RSU1: variants seen among roughly 807,000 people sequenced by gnomAD.
RSU1 encodes Ras suppressor protein 1.
A neutral mutation model predicts 31.1 loss-of-function variants in RSU1; 26 were observed. That is an observed-to-expected ratio of 0.84 (90% CI 0.61 to 1.16). The LOEUF is 1.16. RSU1 is among the 50% of genes most tolerant of loss of function. The pLI is 0.00. For missense variants in RSU1, 320 were observed against 339.1 expected (o/e 0.94, Z 0.44); for synonymous variants, 164 against 136.3 (o/e 1.20, Z -1.41).
chr10:16,763,089 A>G (rs1837241761), intron 4 of RSU1, among the ~76,000 whole-genome samples: 1 of 152,168 alleles, frequency 6.6e-6, no homozygotes, highest in Non-Finnish European at 1.5e-5. Flanking sequence ...TAGAGCATTT[A>G]GTGGCTACAA....
intron 8 of RSU1, among the ~76,000 whole-genome samples, chr10:16,628,679 T>C (rs1834198252): frequency 6.6e-6 from 1 of 152,210 alleles, no homozygotes; most frequent in Non-Finnish European, 1.5e-5. Flanking sequence ...TACTTTGTAG[T>C]TGTTTTATAA....
intron 7 of RSU1, chr10:16,748,079 C>T (rs996434696): frequency 3.3e-5 from 5 of 152,274 alleles, no homozygotes; most frequent in African/African-American, 1.2e-4. Flanking sequence ...CAAAACCCTT[C>T]AATGTCTTCC....
At chr10:16,697,379 A>C (rs1487036958) in intron 7 of RSU1, among the ~76,000 whole-genome samples, 2 of 152,236 alleles carry the variant, frequency 1.3e-5, no homozygotes, top group Admixed American at 1.3e-4. Context: ...ATTCTTGGCC[A>C]GGAGTGGTGG....
chr10:16,763,768 G>A (rs1837255786), intron 4 of RSU1, among the ~76,000 whole-genome samples: 1 of 152,146 alleles, frequency 6.6e-6, no homozygotes, highest in Non-Finnish European at 1.5e-5. Context: ...ACTAAAACCT[G>A]CCCTCCGTAC....
At chr10:16,808,978 T>G (rs769015632) in intron 2 of RSU1, among the ~76,000 whole-genome samples, 10 of 152,164 alleles carry the variant, frequency 6.6e-5, no homozygotes, top group Non-Finnish European at 1.5e-4. Flanking sequence ...CAGCCAGCCC[T>G]GCTGACACTA....
At chr10:16,680,540 A>G (rs1207805224) in intron 8 of RSU1, among the ~76,000 whole-genome samples, 2 of 152,290 alleles carry the variant, frequency 1.3e-5, no homozygotes, top group South Asian at 2.1e-4. Context: ...GGGAGGCCTC[A>G]GGAAGTTTAC....
At chr10:16,757,722 G>A (rs1241167265) in intron 4 of RSU1, among the ~76,000 whole-genome samples, 1 of 152,200 alleles carries the variant, frequency 6.6e-6, no homozygotes, top group African/African-American at 2.4e-5. Context: ...CCGCACGGAG[G>A]CCAAAGCTGC....
At chr10:16,731,933 A>G (rs896825614) in intron 7 of RSU1, among the ~76,000 whole-genome samples, 8 of 152,288 alleles carry the variant, frequency 5.3e-5, no homozygotes, top group African/African-American at 1.7e-4. Context: ...CCCAGGTCCC[A>G]TGGTCAAGTA....
chr10:16,628,920 T>C (rs1432855697), intron 8 of RSU1, among the ~76,000 whole-genome samples: 2 of 152,168 alleles, frequency 1.3e-5, no homozygotes, highest in East Asian at 1.9e-4. Flanking sequence ...GCAAGGTCCA[T>C]GAAGAGAGAT....
intron 7 of RSU1, among the ~76,000 whole-genome samples, chr10:16,733,657 T>C (rs769068980): frequency 6.6e-6 from 1 of 152,154 alleles, no homozygotes; most frequent in Non-Finnish European, 1.5e-5. Flanking sequence ...ATAAAGGCTA[T>C]AACACGGACC....
chr10:16,657,957 T>C (rs1368294697), intron 8 of RSU1, among the ~76,000 whole-genome samples: 1 of 151,966 alleles, frequency 6.6e-6, no homozygotes, highest in South Asian at 2.1e-4. Context: ...ACGACTGCAC[T>C]CCAGCCTGGG....
At chr10:16,810,412 C>G (rs1351975792) in intron 2 of RSU1, among the ~76,000 whole-genome samples, 1 of 152,166 alleles carries the variant, frequency 6.6e-6, no homozygotes, top group African/African-American at 2.4e-5. Context: ...CCATTCTCAA[C>G]AGAAACTTGG....
Position 16,645,901 on chromosome 10 carries a change from CACATATATGT to C in RSU1, c.731+49112_731+49121del, listed in dbSNP as rs1834537802. ...ATGTGTATATACATATATGTATATA[CACATATATGT>C]ATATATATGTGTATATACACATATG... On this transcript the variant is annotated intron_variant, in intron 8 of 8. Coordinates refer to ENST00000345264, the MANE Select transcript of RSU1 (RefSeq NM_012425.4). 4.0e-5 allele frequency among the ~76,000 whole-genome samples: 2 copies of C among 50,598 alleles called. 1 individual carries two copies. Among genetic ancestry groups the C allele is most frequent in the South Asian group, 1.7e-3 (2 of 1,176 alleles). The allele number at this position is 50,598 out of a possible 152,430, so 33.2% of individuals were successfully genotyped here. A position where few individuals can be genotyped will look rare whatever the true frequency, so the allele number is the denominator to read the frequency against.
At chr10:16,615,454 T>G (rs1421242351) in intron 8 of RSU1, among the ~76,000 whole-genome samples, 1 of 152,150 alleles carries the variant, frequency 6.6e-6, no homozygotes, top group Non-Finnish European at 1.5e-5. Context: ...AACACCCCAC[T>G]GTCCATACTA....
intron 4 of RSU1, 48 bp downstream of exon 4, chr10:16,764,342 C>A: frequency 6.5e-7 from 1 of 1,544,562 alleles, no homozygotes; most frequent in Non-Finnish European, 8.8e-7. Flanking sequence ...CCCGGCATGC[C>A]CCTTCCACTC....
intron 7 of RSU1, among the ~76,000 whole-genome samples, chr10:16,725,447 C>T (rs1836370584): frequency 6.6e-6 from 1 of 152,162 alleles, no homozygotes; most frequent in Non-Finnish European, 1.5e-5. Context: ...CTGAATGCTT[C>T]TGTTCCCTCT....
rs955800728 is a variant in RSU1 at position 16,604,182 on chromosome 10, G to A, written c.732-10686C>T. Among the ~76,000 whole-genome samples the A allele has an allele frequency of 4.6e-5, 7 of 152,270 alleles. No homozygotes were observed. In the East Asian group the frequency reaches 1.2e-3, roughly 25 times the overall value. The stretch of plus-strand genomic sequence containing the variant: ...CCACCCCAAAACTTGAACGTATGGG[G>A]AAATAAGGTTTTCCCCTGGGTGTTA... On this transcript the variant is annotated intron_variant, in intron 8 of 8. Transcript: ENST00000345264.
At chr10:16,651,443 C>T (rs1336941890) in intron 8 of RSU1, among the ~76,000 whole-genome samples, 1 of 152,222 alleles carries the variant, frequency 6.6e-6, no homozygotes, top group Non-Finnish European at 1.5e-5. Flanking sequence ...GATAAATTCT[C>T]AGTGTCACCA....
At chr10:16,606,837 A>G (rs982353926) in intron 8 of RSU1, among the ~76,000 whole-genome samples, 3 of 152,164 alleles carry the variant, frequency 2.0e-5, no homozygotes, top group Admixed American at 2.0e-4. Context: ...TACCATACAT[A>G]GTGGTATTAG....
Sources: allele counts gnomAD v4.1 joint callset (sites outside exome capture counted in the v4.1 genomes callset), GRCh38; gene constraint gnomAD v4.1.1; transcripts MANE v1.5; gene names NCBI Gene and HGNC (gene_info 2026-07-23, HGNC 2026-07-21).